The following PIK3R2 variants were observed in gnomAD, a reference collection of about 807,000 sequenced individuals.
PIK3R2 encodes the protein phosphatidylinositol 3-kinase regulatory subunit beta.
Under a neutral mutation model 78.5 loss-of-function variants are expected in PIK3R2, and 40 were observed. That is an observed-to-expected ratio of 0.51 (90% CI 0.40 to 0.66). The LOEUF (loss-of-function observed/expected upper bound fraction) is 0.66. Ranked by LOEUF, PIK3R2 falls within the 30% of genes least tolerant of loss-of-function variation. PIK3R2 has a pLI of 0.00. For synonymous variants in PIK3R2, 473 were observed against 457.7 expected (o/e 1.03, Z -0.43); for missense variants, 880 against 1,026.6 (o/e 0.86, Z 1.95).
rs534355014 is a variant in PIK3R2 at position 18,162,562 on chromosome 19, G to T, written c.1109+56G>T. ...GGGTCACAGGTCACAGAGACCGGGA[G>T]TTCAGAGGGGATAGAACATGTGCGG... is the stretch of plus-strand genomic sequence containing the variant. On this transcript the variant is annotated intron_variant, in intron 9 of 15. Transcript: ENST00000222254. 11 of 1,435,670 alleles carry T rather than the reference G, an allele frequency of 7.7e-6. No homozygotes were observed. In the East Asian group the frequency reaches 1.8e-4, roughly 24 times the overall value. 88.9% of individuals were successfully genotyped at this position (1,435,670 alleles called of 1,614,324 possible). A position where few individuals can be genotyped will look rare whatever the true frequency, so the allele number is the denominator to read the frequency against.
rs1378935944 is a variant in PIK3R2 at position 18,161,372 on chromosome 19, G to A, written c.692G>A (p.Arg231His). ...CGCTTCCTGCTCCAGCACCTGGGCC[G>A]CGTGGCCAGCCGCGCCCCGGCCCTG... The part of the protein sequence containing the change: ...TLRFLLQHLG[R>H]VASRAPALGP... The change falls in exon 6 of 16, where the codon CGC becomes CAC. Residue 231 changes from arginine to histidine, a missense_variant. This residue lies in a region of PIK3R2 where 456 missense variants were observed against 486.6 expected (regional missense o/e 0.94). Coordinates refer to ENST00000222254, the MANE Select transcript of PIK3R2 (RefSeq NM_005027.4). The surrounding 1 kb of genome is among the most constrained non-coding windows in gnomAD (Gnocchi z 5.3). The A allele has an allele frequency of 7.9e-7, 1 of 1,263,062 alleles. No individual in the cohort carries two copies. The allele number at this position is 1,263,062 out of a possible 1,614,324, so 78.2% of individuals were successfully genotyped here.
At position 18,166,280 on chromosome 19, in the gene PIK3R2, G is replaced by C; in HGVS notation, c.1537G>C (p.Gly513Arg). Residue 513 changes from glycine (G) to arginine (R), a missense_variant, in exon 12 of 16, where the codon GGC becomes CGC. Gly to Arg is a moderately radical substitution (Grantham distance 125). Coordinates refer to ENST00000222254, the MANE Select transcript of PIK3R2 (RefSeq NM_005027.4). ...ATACCTGGAGCGCTTCCGGCGTGAG[G>C]GCAACGAGAAAGAGATGCAAAGGTG... ...KEYLERFRREGNEKEMQRILL... is the reference protein window; with the variant it reads ...KEYLERFRRERNEKEMQRILL... 6.2e-7 allele frequency: 1 copy of C among 1,614,120 alleles called. No homozygotes were observed. The highest frequency in any genetic ancestry group is 2.2e-5 in the East Asian group (1 of 44,888).
rs373476039 is a variant in PIK3R2, at chr19:18,169,088, G to A, written c.1981G>A (p.Val661Met). Residue 661 changes from valine to methionine, a missense_variant and splice_region_variant, in exon 16 of 16, where the codon GTG becomes ATG. Physicochemically the swap from Val to Met is conservative, Grantham distance 21. This residue lies in a region of PIK3R2 where 268 missense variants were observed against 299.1 expected (regional missense o/e 0.90). Transcript: ENST00000222254. ...QRGCYACSVV[V>M]DGDTKHCVIY... ...TCCCCCTCTCGTCTGCCCCCACAGA[G>A]TGGACGGCGACACCAAGCACTGCGT... is the stretch of plus-strand genomic sequence containing the variant. 2 of 1,609,826 alleles carry A rather than the reference G, an allele frequency of 1.2e-6. No individual in the cohort carries two copies. The highest frequency in any genetic ancestry group is 1.1e-5 in the South Asian group (1 of 91,046).
intron 1 of PIK3R2, among the ~76,000 whole-genome samples, chr19:18,154,333 AC>A (rs1015546683): frequency 1.4e-4 from 21 of 150,860 alleles, no homozygotes; most frequent in Admixed American, 4.6e-4. Flanking sequence ...CAGCTGCAGT[AC>A]CCCCACCTTC....
chr19:18,162,364 G>A (rs373144406), intron 8 of PIK3R2, 44 bp from the exon 9 acceptor site: 2 of 1,599,560 alleles, frequency 1.3e-6, no homozygotes, highest in East Asian at 2.2e-5. Flanking sequence ...GGTGAGCGGG[G>A]TCTCCAGGTG....
intron 2 of PIK3R2, among the ~76,000 whole-genome samples, chr19:18,158,557 A>T (rs2043705185): frequency 1.3e-5 from 2 of 150,602 alleles, no homozygotes; most frequent in African/African-American, 4.9e-5. Context: ...GTTAGGGGCC[A>T]GGAGTTTGAG....
rs149367522 is a variant in PIK3R2 at position 18,163,073 on chromosome 19, C to T, written c.1216C>T (p.Arg406Cys). The T allele has an allele frequency of 1.1e-5, 18 of 1,613,744 alleles. No homozygotes were observed. In the Admixed American group the frequency reaches 1.2e-4, roughly 10 times the overall value. The change falls in exon 10 of 16, where the codon CGC becomes TGC. Residue 406 changes from arginine to cysteine, a missense_variant. This residue lies in a region of PIK3R2 where 156 missense variants were observed against 241.0 expected (regional missense o/e 0.65). Transcript: ENST00000222254. The stretch of plus-strand genomic sequence containing the variant: ...CGTTGTGGACCTCATCAATCACTAC[C>T]GCCACGAGTCTCTGGCCCAGTACAA... ...CSVVDLINHY[R>C]HESLAQYNAK...
chr19:18,156,230 G>A lies in PIK3R2; in HGVS notation c.322+29G>A, dbSNP rs1461621123. 6.9e-7 allele frequency: 1 copy of A among 1,449,784 alleles called. No individual in the cohort carries two copies. The highest frequency in any genetic ancestry group is 2.6e-5 in the East Asian group (1 of 38,984). 89.8% of individuals were successfully genotyped at this position (1,449,784 alleles called of 1,614,324 possible). ...AGCAGCAAGCAGGGGCCCTGGAAAGGGGGGTGGTCCCCTCAGACCCTTGGT... is the reference window on the plus strand; with the variant it reads ...AGCAGCAAGCAGGGGCCCTGGAAAGAGGGGTGGTCCCCTCAGACCCTTGGT... On this transcript the variant is annotated intron_variant, in intron 2 of 15. Transcript: ENST00000222254. This position sits in a 1 kb window ranked among gnomAD's most constrained non-coding sequence, Gnocchi z 4.2.
rs369119922 is a variant in PIK3R2, at chr19:18,168,442, C to G, written c.1737-33C>G. On this transcript the variant is annotated intron_variant, in intron 13 of 15. Transcript: ENST00000222254. The surrounding 1 kb of genome is among the most constrained non-coding windows in gnomAD (Gnocchi z 4.1). ...CACTGTGGGCTCAGCACCCACACAA[C>G]TGCACAAGCCCACCTTTCCTGTTCC... 1.3e-6 allele frequency: 1 copy of G among 774,944 alleles called. No individual in the cohort carries two copies. Among genetic ancestry groups the G allele is most frequent in the Non-Finnish European group, 2.4e-6 (1 of 415,508 alleles). The allele number at this position is 774,944 out of a possible 1,614,324, so 48.0% of individuals were successfully genotyped here.
Position 18,167,410 on chromosome 19 carries a change from TC to T in PIK3R2, c.1736+106del. ...CTCTCTCTCTCCACCAAGTGGCCCT[TC>T]CTGGGCCCCGAGACCCCTTAAACTC... On this transcript the variant is annotated intron_variant, in intron 13 of 15. Transcript: ENST00000222254. The surrounding 1 kb of genome is among the most constrained non-coding windows in gnomAD (Gnocchi z 4.5). The T allele has an allele frequency of 9.7e-7, 1 of 1,030,960 alleles. No individual in the cohort carries two copies. Among genetic ancestry groups the T allele is most frequent in the South Asian group, 2.0e-5 (1 of 49,684 alleles). 63.9% of individuals were successfully genotyped at this position (1,030,960 alleles called of 1,614,324 possible).
chr19:18,158,960 G>C (rs1044812461), intron 2 of PIK3R2, among the ~76,000 whole-genome samples: 1 of 151,824 alleles, frequency 6.6e-6, no homozygotes, highest in Non-Finnish European at 1.5e-5. Context: ...TCCTGCCTCA[G>C]CCTCCCGAGT....
At chr19:18,155,196 CA>C (rs34249019) in intron 1 of PIK3R2, among the ~76,000 whole-genome samples, 85 of 109,252 alleles carry the variant, frequency 7.8e-4, no homozygotes, top group Middle Eastern at 4.4e-3. Context: ...GACTCTATCT[CA>C]AAAAAAAAAA....
rs1211020467 is a variant in PIK3R2, at chr19:18,156,540, A to T, written c.322+339A>T. Among the ~76,000 whole-genome samples, 1 of 152,156 alleles carries T rather than the reference A, an allele frequency of 6.6e-6. No homozygotes were observed. The highest frequency in any genetic ancestry group is 1.5e-5 in the Non-Finnish European group (1 of 68,018). ...AACTCTAATGGCGGGAACGGCCAGC[A>T]GGAGGACCAGAGGGAGGAAGGGGAG... On this transcript the variant is annotated intron_variant, in intron 2 of 15. Coordinates refer to ENST00000222254, the MANE Select transcript of PIK3R2 (RefSeq NM_005027.4). The surrounding 1 kb of genome is among the most constrained non-coding windows in gnomAD (Gnocchi z 4.2).
rs1239247897 is a variant in PIK3R2 at position 18,167,449 on chromosome 19, G to A, written c.1736+143G>A. 3 of 649,122 alleles carry A rather than the reference G, an allele frequency of 4.6e-6. No individual in the cohort carries two copies. The highest frequency in any genetic ancestry group is 7.2e-6 in the Non-Finnish European group (3 of 416,900). The allele number at this position is 649,122 out of a possible 1,614,324, so 40.2% of individuals were successfully genotyped here. A position where few individuals can be genotyped will look rare whatever the true frequency, so the allele number is the denominator to read the frequency against. On this transcript the variant is annotated intron_variant, in intron 13 of 15. Transcript: ENST00000222254. This position sits in a 1 kb window ranked among gnomAD's most constrained non-coding sequence, Gnocchi z 4.5. ...ACCCCTTAAACTCGGTTCCTCCCGG[G>A]CCCCTTGAAAGTTTTCCCATAGGTC...
Position 18,161,079 on chromosome 19 carries a change from G to A in PIK3R2, c.492G>A (p.Gln164=). ...ACTGGTCCCTGAGCGACGTGGATCA[G>A]TGGGACACGGCAGCCCTGGCTGACG... ...RTDWSLSDVD[Q]WDTAALADGI... The change falls in exon 5 of 16, where the codon CAG becomes CAA. Residue 164 remains glutamine (Q), a synonymous_variant. Transcript: ENST00000222254. The surrounding 1 kb of genome is among the most constrained non-coding windows in gnomAD (Gnocchi z 5.3). 4 of 1,609,758 alleles carry A rather than the reference G, an allele frequency of 2.5e-6. No individual in the cohort carries two copies. The highest frequency in any genetic ancestry group is 3.4e-6 in the Non-Finnish European group (4 of 1,178,616).
At chr19:18,158,467 G>A (rs2043702250) in intron 2 of PIK3R2, among the ~76,000 whole-genome samples, 1 of 149,176 alleles carries the variant, frequency 6.7e-6, no homozygotes, top group Admixed American at 6.8e-5. Context: ...CACCAGCCTG[G>A]GTGACAGAGC....
intron 11 of PIK3R2, among the ~76,000 whole-genome samples, chr19:18,163,674 TAACTG>T (rs1362765483): frequency 1.3e-5 from 2 of 152,048 alleles, no homozygotes; most frequent in African/African-American, 4.8e-5. Context: ...ATTTAAAAAT[TAACTG>T]GGTGTCGTGG....
chr19:18,160,861 G>T, intron 3 of PIK3R2, 58 bp from the exon 4 acceptor site: 1 of 1,559,188 alleles, frequency 6.4e-7, no homozygotes, highest in Non-Finnish European at 8.7e-7. Flanking sequence ...GCCAGTCCAG[G>T]CCTCACGAGG....
Position 18,162,478 on chromosome 19 carries a change from A to G in PIK3R2, c.1081A>G (p.Ile361Val), listed in dbSNP as rs1464718066. Residue 361 changes from isoleucine (I) to valine (V), a missense_variant, in exon 9 of 16, where the codon ATC becomes GTC. Transcript: ENST00000222254. ...TFLVRDASSK[I>V]QGEYTLTLRK... Reference sequence around the variant, plus strand: ...CCTAGTCCGAGATGCTTCTAGCAAGATCCAGGGCGAGTACACGCTGACCCT... The same window carrying G: ...CCTAGTCCGAGATGCTTCTAGCAAGGTCCAGGGCGAGTACACGCTGACCCT... 1 of 1,613,344 alleles carries G rather than the reference A, an allele frequency of 6.2e-7. No homozygotes were observed. Among genetic ancestry groups the G allele is most frequent in the East Asian group, 2.2e-5 (1 of 44,872 alleles).
Sources: allele counts gnomAD v4.1 joint callset (sites outside exome capture counted in the v4.1 genomes callset), GRCh38; gene constraint gnomAD v4.1.1; regional missense constraint gnomAD v4.1.1; non-coding constraint Gnocchi (gnomAD v3.1); transcripts MANE v1.5; gene names NCBI Gene and HGNC (gene_info 2026-07-23, HGNC 2026-07-21).